The following SLF1 variants were observed in gnomAD, a reference collection of about 807,000 sequenced individuals.
SLF1 encodes SMC5-SMC6 complex localization factor protein 1.
In SLF1, 105 loss-of-function variants were observed where a neutral mutation model predicts 123.0. The ratio of observed to expected loss-of-function variants is 0.85; its 90% confidence interval spans 0.73 to 1.00. The LOEUF (loss-of-function observed/expected upper bound fraction) is 1.00. Ranked by LOEUF, SLF1 falls within the 50% of genes least tolerant of loss-of-function variation. SLF1 has a pLI of 0.00. For missense variants in SLF1, 1,239 were observed against 1,223.0 expected (o/e 1.01, Z -0.20); for synonymous variants, 434 against 406.6 (o/e 1.07, Z -0.81).
intron 4 of SLF1, among the ~76,000 whole-genome samples, chr5:94,635,442 G>T (rs1585116787): frequency 6.7e-6 from 1 of 149,826 alleles, no homozygotes; most frequent in African/African-American, 2.5e-5. Flanking sequence ...TTATCGGTGG[G>T]TAAGGAACTT....
In SLF1 at chr5:94,670,879, A is replaced by G; in HGVS notation, c.1698A>G (p.Ile566Met). Residue 566 changes from isoleucine (I) to methionine (M), a missense_variant, in exon 14 of 21, where the codon ATA (isoleucine) becomes ATG (methionine). Transcript: ENST00000265140. ...YDWSDSQNLK[I>M]TGKAMLLEIF... Reference sequence around the variant, plus strand: ...GGTCAGATTCTCAGAATCTGAAAATAACAGGAAAGGCAATGCTTCTTGAAA... The same window carrying G: ...GGTCAGATTCTCAGAATCTGAAAATGACAGGAAAGGCAATGCTTCTTGAAA... 1 of 1,550,080 alleles carries G rather than the reference A, an allele frequency of 6.5e-7. No homozygotes were observed. The highest frequency in any genetic ancestry group is 1.2e-5 in the South Asian group (1 of 83,926).
intron 7 of SLF1, among the ~76,000 whole-genome samples, 176 bp from the exon 8 acceptor site, chr5:94,653,096 A>T (rs1747939775): frequency 6.6e-6 from 1 of 152,162 alleles, no homozygotes; most frequent in South Asian, 2.1e-4. Flanking sequence ...ACCTCAGGTG[A>T]TCCGCCCGCC....
chr5:94,648,637 A>G (rs764981405), intron 5 of SLF1, among the ~76,000 whole-genome samples: 7 of 152,152 alleles, frequency 4.6e-5, no homozygotes, highest in Non-Finnish European at 1.0e-4. Flanking sequence ...ATGTGCCACC[A>G]TGGCTGGCTA....
chr5:94,649,152 C>T (rs1192681192), intron 5 of SLF1, among the ~76,000 whole-genome samples: 1 of 152,120 alleles, frequency 6.6e-6, no homozygotes, highest in Admixed American at 6.5e-5. Flanking sequence ...TTAGCTTGGA[C>T]AGGGACTAGA....
Position 94,663,875 on chromosome 5 carries a change from C to T in SLF1, c.1335C>T (p.Cys445=), listed in dbSNP as rs1021896842. Residue 445 remains cysteine, a synonymous_variant, in exon 11 of 21, where the codon TGC becomes TGT. Transcript: ENST00000265140. ...AGGCACATTATATCCCTCCTGTATG[C>T]GTTCTTCATGCCCTTCTAGAGAACG... is the stretch of plus-strand genomic sequence containing the variant. ...TLQAHYIPPV[C]VLHALLENVL... The T allele has an allele frequency of 7.8e-6, 12 of 1,544,844 alleles. No individual in the cohort carries two copies. Among genetic ancestry groups the T allele is most frequent in the South Asian group, 2.4e-5 (2 of 81,834 alleles).
chr5:94,688,103 TTTG>T (rs1752663626), intron 16 of SLF1, among the ~76,000 whole-genome samples: 1 of 150,060 alleles, frequency 6.7e-6, no homozygotes, highest in Non-Finnish European at 1.5e-5. Context: ...TATTCCTTAT[TTTG>T]TTTTCTGTTG....
At chr5:94,635,834 C>T (rs1464909390) in intron 4 of SLF1, among the ~76,000 whole-genome samples, 1 of 152,152 alleles carries the variant, frequency 6.6e-6, no homozygotes, top group African/African-American at 2.4e-5. Flanking sequence ...TTGCTTCACA[C>T]ACCACCATTT....
intron 5 of SLF1, among the ~76,000 whole-genome samples, chr5:94,645,106 G>A (rs1201726724): frequency 6.6e-6 from 1 of 152,208 alleles, no homozygotes; most frequent in Non-Finnish European, 1.5e-5. Flanking sequence ...AGTTAGGAAT[G>A]AGCATTTGAA....
intron 8 of SLF1, among the ~76,000 whole-genome samples, chr5:94,654,203 C>T (rs1430675680): frequency 6.6e-6 from 1 of 151,564 alleles, no homozygotes. Context: ...AAATAAATGC[C>T]ATATTATGTA....
chr5:94,632,184 T>G (rs1438682918), intron 4 of SLF1, among the ~76,000 whole-genome samples: 1 of 152,104 alleles, frequency 6.6e-6, no homozygotes, highest in African/African-American at 2.4e-5. Flanking sequence ...TTTGGCACTG[T>G]TAACGAAAAT....
At chr5:94,627,419 A>G (rs144191524) in intron 1 of SLF1, among the ~76,000 whole-genome samples, 22 of 152,028 alleles carry the variant, frequency 1.4e-4, no homozygotes, top group African/African-American at 5.3e-4. Flanking sequence ...TTGTATTCTG[A>G]TGAGAAATTC....
intron 16 of SLF1, among the ~76,000 whole-genome samples, 187 bp from the exon 17 acceptor site, chr5:94,688,319 C>T (rs1029664638): frequency 6.6e-6 from 1 of 152,054 alleles, no homozygotes; most frequent in African/African-American, 2.4e-5. Flanking sequence ...TGGTTGTTCA[C>T]ATGGTATTGA....
upstream of SLF1, chr5:94,618,318 G>A (rs1263968968): frequency 6.6e-6 from 1 of 152,344 alleles, no homozygotes; most frequent in African/African-American, 2.4e-5. Flanking sequence ...TGGATAAGAC[G>A]GTAAGCCGGG....
intron 14 of SLF1, among the ~76,000 whole-genome samples, chr5:94,677,311 G>T (rs568027591): frequency 2.6e-5 from 4 of 151,962 alleles, no homozygotes; most frequent in African/African-American, 9.7e-5. Context: ...GTTACTTGTC[G>T]TCTAGGCTTG....
intron 4 of SLF1, among the ~76,000 whole-genome samples, chr5:94,635,315 C>T (rs1745633672): frequency 6.8e-6 from 1 of 147,438 alleles, no homozygotes; most frequent in South Asian, 2.1e-4. Flanking sequence ...AAGTTGGTCT[C>T]CCGTAGGCAG....
chr5:94,625,544 T>C (rs902025687), intron 1 of SLF1, among the ~76,000 whole-genome samples: 18 of 151,824 alleles, frequency 1.2e-4, no homozygotes, highest in African/African-American at 3.9e-4. Context: ...CCACCACACC[T>C]GGCTAATTTT....
In SLF1 at chr5:94,696,035, T is replaced by C. The variant is rs1485478708; in HGVS notation, c.*723T>C. The C allele has an allele frequency of 6.6e-6, 1 of 151,818 alleles. No homozygotes were observed. Among genetic ancestry groups the C allele is most frequent in the African/African-American group, 2.4e-5 (1 of 41,382 alleles). 9.4% of individuals were successfully genotyped at this position (151,818 alleles called of 1,614,324 possible). A position where few individuals can be genotyped will look rare whatever the true frequency, so the allele number is the denominator to read the frequency against. On this transcript the variant is annotated 3_prime_UTR_variant, in exon 21 of 21. Transcript: ENST00000265140. ...ACATTCTGCTGCATAGGTTTATGAGTTTAATATTAAGATATTGAGTGGCAT... is the reference window on the plus strand; with the variant it reads ...ACATTCTGCTGCATAGGTTTATGAGCTTAATATTAAGATATTGAGTGGCAT...
intron 15 of SLF1, among the ~76,000 whole-genome samples, chr5:94,682,668 T>C (rs1156353606): frequency 1.3e-5 from 2 of 152,220 alleles, no homozygotes; most frequent in Non-Finnish European, 2.9e-5. Flanking sequence ...ATAAATAAAA[T>C]TTTTTCCATC....
chr5:94,662,346 G>A lies in SLF1; in HGVS notation c.1204G>A (p.Val402Ile), dbSNP rs1458523201. The change falls in exon 10 of 21, where the codon GTA becomes ATA. Residue 402 changes from valine (V) to isoleucine (I), a missense_variant. Physicochemically the swap from Val to Ile is conservative, Grantham distance 29. Transcript: ENST00000265140. Reference sequence around the variant, plus strand: ...AATAGATAAACAACCAGTGTACAACGTAGAGGTAAGGGGCTTGGAGCAGCA... The same window carrying A: ...AATAGATAAACAACCAGTGTACAACATAGAGGTAAGGGGCTTGGAGCAGCA... ...IRIDKQPVYN[V>I]EVKNAEFPRG... The A allele has an allele frequency of 1.7e-5, 26 of 1,548,136 alleles. No individual in the cohort carries two copies. Among genetic ancestry groups the A allele is most frequent in the Middle Eastern group, 1.7e-4 (1 of 6,004 alleles).
Sources: allele counts gnomAD v4.1 joint callset (sites outside exome capture counted in the v4.1 genomes callset), GRCh38; gene constraint gnomAD v4.1.1; transcripts MANE v1.5; gene names NCBI Gene and HGNC (gene_info 2026-07-23, HGNC 2026-07-21).